The following GALNT18 variants were observed in gnomAD, a reference collection of about 807,000 sequenced individuals.
GALNT18 encodes the protein polypeptide N-acetylgalactosaminyltransferase 18.
GALNT18 carries 44 observed loss-of-function variants against 69.5 expected under a neutral mutation model. The ratio of observed to expected loss-of-function variants is 0.63; its 90% CI spans 0.50 to 0.81. The LOEUF (loss-of-function observed/expected upper bound fraction) is 0.81, where lower values mean the gene tolerates loss of function less well. Ranked by LOEUF, GALNT18 falls within the 40% of genes least tolerant of loss-of-function variation. The pLI is 0.00. For missense variants in GALNT18, 715 were observed against 810.0 expected (o/e 0.88, Z 1.42); for synonymous variants, 364 against 318.2 (o/e 1.14, Z -1.53).
At position 11,595,835 on chromosome 11, in the gene GALNT18, ATCATT is replaced by A. The variant is rs1262814908; in HGVS notation, c.235+25519_235+25523del. 7.2e-5 allele frequency among the ~76,000 whole-genome samples: 11 copies of A among 152,296 alleles called. No individual in the cohort carries two copies. The highest frequency in any genetic ancestry group is 2.6e-4 in the African/African-American group (11 of 41,574). ...AATATTTTCCCCAATTCATTGGATT[ATCATT>A]TCAAGAGAATACTCGTTGAATAGTA... On this transcript the variant is annotated intron_variant, in intron 1 of 10. Coordinates refer to ENST00000227756, the MANE Select transcript of GALNT18 (RefSeq NM_198516.3). This position sits in a 1 kb window ranked among gnomAD's most constrained non-coding sequence, Gnocchi z 5.2.
Position 11,616,448 on chromosome 11 carries a change from A to T in GALNT18, c.235+4911T>A, listed in dbSNP as rs1045116892. On this transcript the variant is annotated intron_variant, in intron 1 of 10. Coordinates refer to ENST00000227756, the MANE Select transcript of GALNT18 (RefSeq NM_198516.3). This position sits in a 1 kb window ranked among gnomAD's most constrained non-coding sequence, Gnocchi z 4.4. ...GAGTCAGTACTAATCCCACTTCTGG[A>T]AAGACATCCTTAAACATAATTCAAA... Among the ~76,000 whole-genome samples, 1 of 152,232 alleles carries T rather than the reference A, an allele frequency of 6.6e-6. No homozygotes were observed. Among genetic ancestry groups the T allele is most frequent in the African/African-American group, 2.4e-5 (1 of 41,458 alleles).
chr11:11,421,960 C>T lies in GALNT18; in HGVS notation c.595+10661G>A, dbSNP rs1298341650. On this transcript the variant is annotated intron_variant, in intron 3 of 10. Coordinates refer to ENST00000227756, the MANE Select transcript of GALNT18 (RefSeq NM_198516.3). This position sits in a 1 kb window ranked among gnomAD's most constrained non-coding sequence, Gnocchi z 5.6. ...CTGGGTGCCCTGGCATAGAATCATG[C>T]ATGGCAGCTGAGAGGTAGGTTCAGA... Among the ~76,000 whole-genome samples the T allele has an allele frequency of 5.9e-5, 9 of 152,182 alleles. 1 individual carries two copies. The highest frequency in any genetic ancestry group is 1.3e-4 in the Non-Finnish European group (9 of 68,030).
chr11:11,498,914 C>T (rs1031259792), intron 1 of GALNT18, among the ~76,000 whole-genome samples: 1 of 152,106 alleles, frequency 6.6e-6, no homozygotes, highest in Non-Finnish European at 1.5e-5. Context: ...AAATGTTTTC[C>T]CTGGAAGATT....
chr11:11,524,632 G>C (rs1023025866), intron 1 of GALNT18, among the ~76,000 whole-genome samples: 4 of 152,208 alleles, frequency 2.6e-5, no homozygotes, highest in Admixed American at 6.5e-5. Flanking sequence ...ACAGAACCTA[G>C]CAGAGCTGTG....
chr11:11,467,469 T>C (rs969881778), intron 1 of GALNT18, among the ~76,000 whole-genome samples: 1 of 152,212 alleles, frequency 6.6e-6, no homozygotes, highest in African/African-American at 2.4e-5. Flanking sequence ...ACAGGCGCCA[T>C]GCCAGTCTGA....
intron 9 of GALNT18, among the ~76,000 whole-genome samples, chr11:11,305,822 A>G (rs1223424745): frequency 3.9e-5 from 6 of 152,206 alleles, no homozygotes; most frequent in African/African-American, 1.4e-4. Flanking sequence ...TCTATTAATG[A>G]ACCTCTGCTT....
chr11:11,381,628 C>T (rs1313202742), intron 3 of GALNT18, among the ~76,000 whole-genome samples: 2 of 152,186 alleles, frequency 1.3e-5, no homozygotes, highest in Admixed American at 6.5e-5. Context: ...GCGCAAGTTC[C>T]AGGCCTTTTG....
At position 11,404,788 on chromosome 11, in the gene GALNT18, C is replaced by T. The variant is rs1854552034; in HGVS notation, c.596-25524G>A. Reference sequence around the variant, plus strand: ...GCCCCGCACAGACCCTGACCATACCCTGGCGACTCCATCAGCTATGATTTC... The same window carrying T: ...GCCCCGCACAGACCCTGACCATACCTTGGCGACTCCATCAGCTATGATTTC... On this transcript the variant is annotated intron_variant, in intron 3 of 10. Transcript: ENST00000227756. This position sits in a 1 kb window ranked among gnomAD's most constrained non-coding sequence, Gnocchi z 4.5. 6.6e-6 allele frequency among the ~76,000 whole-genome samples: 1 copy of T among 152,180 alleles called. No individual in the cohort carries two copies. Among genetic ancestry groups the T allele is most frequent in the Non-Finnish European group, 1.5e-5 (1 of 68,034 alleles).
chr11:11,374,411 C>T (rs965037915), intron 5 of GALNT18, among the ~76,000 whole-genome samples: 4 of 152,234 alleles, frequency 2.6e-5, no homozygotes, highest in Non-Finnish European at 5.9e-5. Flanking sequence ...TGCAATTGTG[C>T]ACTAAGTCTA....
chr11:11,593,506 G>A (rs180769975), intron 1 of GALNT18, among the ~76,000 whole-genome samples: 7 of 152,342 alleles, frequency 4.6e-5, no homozygotes, highest in African/African-American at 1.4e-4. Flanking sequence ...TATAAGATGC[G>A]TGAGGAACTT....
chr11:11,271,270 G>C lies in GALNT18; in HGVS notation c.1698C>G (p.Arg566=), dbSNP rs1848820726. The C allele has an allele frequency of 1.9e-6, 3 of 1,613,978 alleles. No homozygotes were observed. The highest frequency in any genetic ancestry group is 2.5e-6 in the Non-Finnish European group (3 of 1,179,978). ...GCAGCTCCAGACAGCGCTTAGACTT[G>C]CGGTTCTGGATGGGTCCTCCCTAGG... ...QFSQGGPIQN[R]KSKRCLELQE... The change falls in exon 11 of 11, where the codon CGC becomes CGG. Residue 566 remains arginine (R), a synonymous_variant. Coordinates refer to ENST00000227756, the MANE Select transcript of GALNT18 (RefSeq NM_198516.3).
At chr11:11,297,395 G>A (rs192953418) in intron 9 of GALNT18, among the ~76,000 whole-genome samples, 252 of 152,240 alleles carry the variant, frequency 1.7e-3, no homozygotes, top group African/African-American at 5.8e-3. Flanking sequence ...GCTGAGGCAC[G>A]GAGACCATAA....
rs552481970 is a variant in GALNT18 at position 11,619,254 on chromosome 11, T to C, written c.235+2105A>G. Among the ~76,000 whole-genome samples the C allele has an allele frequency of 1.6e-4, 25 of 152,296 alleles. 1 individual carries two copies. The South Asian group carries it at 2.9e-3, about 18-fold the overall frequency. ...TATTTCTGAATACCCACAGGGGTCA[T>C]TGCACGTGTACAAGTGGAACAACAC... On this transcript the variant is annotated intron_variant, in intron 1 of 10. Transcript: ENST00000227756. This position sits in a 1 kb window ranked among gnomAD's most constrained non-coding sequence, Gnocchi z 4.9.
At chr11:11,508,512 C>A (rs180922849) in intron 1 of GALNT18, among the ~76,000 whole-genome samples, 1 of 152,198 alleles carries the variant, frequency 6.6e-6, no homozygotes, top group African/African-American at 2.4e-5. Flanking sequence ...GTACTTCATT[C>A]GTTTGTAATT....
chr11:11,336,583 G>C (rs1850118131), intron 7 of GALNT18, among the ~76,000 whole-genome samples: 1 of 152,160 alleles, frequency 6.6e-6, no homozygotes, highest in Admixed American at 6.5e-5. Context: ...TTTGCAGCTG[G>C]GATGCTGTAG....
intron 1 of GALNT18, among the ~76,000 whole-genome samples, chr11:11,611,936 C>G (rs1859914454): frequency 6.6e-6 from 1 of 152,188 alleles, no homozygotes; most frequent in Admixed American, 6.5e-5. Context: ...CTTGTAGACA[C>G]AAATGTAAAC....
chr11:11,487,372 A>G (rs1039031068), intron 1 of GALNT18, among the ~76,000 whole-genome samples: 1 of 152,198 alleles, frequency 6.6e-6, no homozygotes, highest in East Asian at 1.9e-4. Flanking sequence ...GAACTTACTC[A>G]TGTAACCAAA....
chr11:11,467,290 C>T (rs1325652730), intron 1 of GALNT18, among the ~76,000 whole-genome samples: 1 of 152,224 alleles, frequency 6.6e-6, no homozygotes, highest in Non-Finnish European at 1.5e-5. Flanking sequence ...GCTGCCCCAA[C>T]CTAGGTCACC....
At chr11:11,460,661 C>T (rs12272033) in intron 1 of GALNT18, among the ~76,000 whole-genome samples, 12,351 of 149,264 alleles carry the variant, frequency 0.083, 948 homozygotes, top group African/African-American at 0.2. Flanking sequence ...AGGCAGTCGC[C>T]CTCCTGCCTC....
Sources: gnomAD v4.1 joint callset for allele counts (sites outside exome capture counted in the v4.1 genomes callset) on GRCh38, gnomAD v4.1.1 for gene constraint, Gnocchi (gnomAD v3.1) non-coding constraint, MANE v1.5 for transcripts, NCBI Gene and HGNC (gene_info 2026-07-23, HGNC 2026-07-21) for gene names.